Variants in LOC400499 observed in about 807,000 individuals in gnomAD.
chr16:11,430,423 G>C, the LOC400499 span, among the ~76,000 whole-genome samples: 1 of 152,174 alleles, frequency 6.6e-6, no homozygotes, highest in South Asian at 2.1e-4. Context: ...CCGGGAGGCG[G>C]AGGTTGCAGT....
chr16:11,384,471 C>T, the LOC400499 span: 6 of 427,136 alleles, frequency 1.4e-5, no homozygotes, highest in Non-Finnish European at 2.4e-5. Context: ...CCCCGGACTC[C>T]TGGAGCCCAG....
the LOC400499 span, chr16:11,508,985 G>T: frequency 5.0e-6 from 2 of 397,132 alleles, no homozygotes; most frequent in South Asian, 1.4e-4. Flanking sequence ...GGTAAGAGGG[G>T]TGTCTACGAG....
At chr16:11,485,566 C>A in the LOC400499 span, among the ~76,000 whole-genome samples, 1 of 152,132 alleles carries the variant, frequency 6.6e-6, no homozygotes, top group Admixed American at 6.5e-5. Context: ...TCTGCCCGTC[C>A]GCGCACCCCT....
At chr16:11,486,740 G>A in the LOC400499 span, among the ~76,000 whole-genome samples, 1 of 74,786 alleles carries the variant, frequency 1.3e-5, no homozygotes, top group African/African-American at 9.2e-5. Flanking sequence ...TGGATGAATG[G>A]ATAATGGGTG....
chr16:11,391,951 C>G, the LOC400499 span: 1 of 633,320 alleles, frequency 1.6e-6, no homozygotes, highest in Admixed American at 4.3e-5. Context: ...GGCTACAAGC[C>G]AGGTCAGAGG....
At chr16:11,410,901 G>A in the LOC400499 span, among the ~76,000 whole-genome samples, 3 of 152,368 alleles carry the variant, frequency 2.0e-5, no homozygotes, top group Middle Eastern at 6.8e-3. Context: ...TGGGGGTGAC[G>A]CTGGCTCAGC....
At chr16:11,514,523 C>A in the LOC400499 span, 4 of 399,792 alleles carry the variant, frequency 1.0e-5, no homozygotes, top group Admixed American at 8.8e-5. Context: ...GCAGGTCAGG[C>A]GGGAGGTCAG....
the LOC400499 span, chr16:11,449,123 G>A: frequency 7.0e-7 from 1 of 1,429,498 alleles, no homozygotes; most frequent in Non-Finnish European, 9.3e-7. Flanking sequence ...ATGAGGTGAG[G>A]AGGGGGACCA....
the LOC400499 span, among the ~76,000 whole-genome samples, chr16:11,378,269 C>CGG: frequency 1.2e-3 from 73 of 59,164 alleles, no homozygotes; most frequent in Non-Finnish European, 2.0e-3. Context: ...TTTTTTTTGC[C>CGG]GGGGGGAGGG....
the LOC400499 span, among the ~76,000 whole-genome samples, chr16:11,461,342 C>T: frequency 6.6e-6 from 1 of 152,172 alleles, no homozygotes; most frequent in African/African-American, 2.4e-5. Context: ...ACCTTAGCCT[C>T]CCGAGTAGCT....
chr16:11,475,571 T>A, the LOC400499 span: 1 of 398,638 alleles, frequency 2.5e-6, no homozygotes, highest in Admixed American at 4.4e-5. Context: ...ATTTTTCCCT[T>A]CAACCCTGGG....
the LOC400499 span, among the ~76,000 whole-genome samples, chr16:11,377,480 G>A: frequency 1.1e-4 from 16 of 152,246 alleles, no homozygotes; most frequent in Middle Eastern, 0.01. Context: ...TTATGTTGAG[G>A]TCATTTCTAT....
chr16:11,522,738 C>T, the LOC400499 span, among the ~76,000 whole-genome samples: 1 of 152,222 alleles, frequency 6.6e-6, no homozygotes, highest in Admixed American at 6.5e-5. Context: ...ACTCACCTAT[C>T]ATCTTGATGG....
At chr16:11,525,658 C>T in the LOC400499 span, among the ~76,000 whole-genome samples, 1 of 152,130 alleles carries the variant, frequency 6.6e-6, no homozygotes, top group East Asian at 1.9e-4. Context: ...CAGACAATCC[C>T]TACATCTGCT....
the LOC400499 span, among the ~76,000 whole-genome samples, chr16:11,406,082 A>G: frequency 6.6e-6 from 1 of 150,990 alleles, no homozygotes; most frequent in Non-Finnish European, 1.5e-5. Flanking sequence ...ATATTGTGTA[A>G]TGGTGGGGAC....
chr16:11,504,662 C>T, the LOC400499 span, among the ~76,000 whole-genome samples: 4 of 152,044 alleles, frequency 2.6e-5, no homozygotes, highest in Admixed American at 6.6e-5. Context: ...GTGGCTCATG[C>T]CTGTAATGCC....
chr16:11,482,420 C>T, the LOC400499 span, among the ~76,000 whole-genome samples: 3 of 152,292 alleles, frequency 2.0e-5, no homozygotes, highest in African/African-American at 7.2e-5. Flanking sequence ...CTGTAACATC[C>T]CATCAGGCAA....
the LOC400499 span, chr16:11,488,837 T>C: frequency 2.5e-6 from 1 of 398,844 alleles, no homozygotes; most frequent in Non-Finnish European, 4.4e-6. Context: ...CTCCAGCAGC[T>C]GCAGGATGTG....
the LOC400499 span, chr16:11,391,814 C>T: frequency 8.1e-7 from 1 of 1,232,310 alleles, no homozygotes; most frequent in South Asian, 4.1e-5. Context: ...CCTGGGACAG[C>T]TGCAGAAGGA....
Sources: gnomAD v4.1 joint callset for allele counts (sites outside exome capture counted in the v4.1 genomes callset) on GRCh38, gnomAD v4.1.1 for gene constraint, MANE v1.5 for transcripts.